CCDC141: variants seen among roughly 807,000 people sequenced by gnomAD.
CCDC141 encodes the protein coiled-coil domain-containing protein 141.
CCDC141 carries 168 observed loss-of-function variants against 181.0 expected under a neutral mutation model. That is an observed-to-expected ratio of 0.93 (90% CI 0.82 to 1.05). The LOEUF is 1.05. Ranked by LOEUF, CCDC141 falls within the 50% of genes least tolerant of loss-of-function variation. The pLI, the probability that CCDC141 is intolerant of heterozygous loss-of-function variation, is 0.00. For synonymous variants in CCDC141, 666 were observed against 642.3 expected, an observed-to-expected ratio of 1.04 and a Z score of -0.56; for missense variants, 1,902 against 1,788.5, an observed-to-expected ratio of 1.06 and a Z score of -1.14.
chr2:178,893,221 C>CTT (rs5836663), intron 8 of CCDC141, among the ~76,000 whole-genome samples: 1,780 of 145,388 alleles, frequency 0.012, 39 homozygotes, highest in African/African-American at 0.04. Context: ...AAAATAATTG[C>CTT]TTTTTTTTTT....
chr2:178,896,456 G>C (rs148799116), intron 8 of CCDC141, among the ~76,000 whole-genome samples: 57 of 152,204 alleles, frequency 3.7e-4, no homozygotes, highest in Admixed American at 3.5e-3. Context: ...CCTGGTGCTG[G>C]TATGCCATAT....
intron 1 of CCDC141, among the ~76,000 whole-genome samples, chr2:179,048,350 A>C (rs1211158771): frequency 6.6e-6 from 1 of 152,170 alleles, no homozygotes; most frequent in African/African-American, 2.4e-5. Flanking sequence ...TGGAGATGGC[A>C]GTAAGGTAAG....
chr2:178,940,223 T>C (rs1689451884), intron 6 of CCDC141, among the ~76,000 whole-genome samples: 1 of 140,526 alleles, frequency 7.1e-6, no homozygotes, highest in South Asian at 2.3e-4. Flanking sequence ...TAGGAAAGAA[T>C]AAAGAAATGG....
the CCDC141 span, among the ~76,000 whole-genome samples, chr2:178,821,254 A>G: frequency 3.3e-5 from 5 of 152,136 alleles, no homozygotes; most frequent in Admixed American, 6.6e-5. Flanking sequence ...ACAATCATAT[A>G]TATATTTATA....
At chr2:179,029,021 C>A (rs973808918) in intron 2 of CCDC141, among the ~76,000 whole-genome samples, 5 of 152,176 alleles carry the variant, frequency 3.3e-5, no homozygotes, top group Non-Finnish European at 5.9e-5. Context: ...TTCTCCATAA[C>A]AATGTAGCCT....
rs1034865312 is a variant in CCDC141 at position 178,988,472 on chromosome 2, T to A, written c.226-9797A>T. Among the ~76,000 whole-genome samples the A allele has an allele frequency of 1.7e-3, 225 of 132,762 alleles. 1 individual carries two copies. Among genetic ancestry groups the A allele is most frequent in the Admixed American group, 2.5e-3 (34 of 13,804 alleles). The allele number at this position is 132,762 out of a possible 152,430, so 87.1% of individuals were successfully genotyped here. A position where few individuals can be genotyped will look rare whatever the true frequency, so the allele number is the denominator to read the frequency against. ...TACCCTAAAACTTAAAGTATAATAA[T>A]AAAAAATAAATAATAAAAAAAAAGA... On this transcript the variant is annotated intron_variant, in intron 2 of 23. Transcript: ENST00000443758.
intron 5 of CCDC141, among the ~76,000 whole-genome samples, chr2:178,951,668 GAGAAAAGAAAAGCCAATGATC>G (rs988638904): frequency 3.9e-5 from 6 of 152,168 alleles, no homozygotes; most frequent in South Asian, 2.1e-4. Flanking sequence ...ATGGTGGCAG[GAGAAAAGAAAAGCCAATGATC>G]ACCAGGGGCA....
At chr2:178,930,157 T>C (rs1293393688) in intron 6 of CCDC141, among the ~76,000 whole-genome samples, 1 of 152,160 alleles carries the variant, frequency 6.6e-6, no homozygotes, top group East Asian at 1.9e-4. Context: ...TGTGTTTCTA[T>C]AGAATAGCAT....
At chr2:178,864,262 A>G (rs1685745452) in intron 17 of CCDC141, among the ~76,000 whole-genome samples, 1 of 152,138 alleles carries the variant, frequency 6.6e-6, no homozygotes. Flanking sequence ...AGAAGAGAGA[A>G]AGAGGAATAA....
Position 178,902,046 on chromosome 2 carries a change from G to A in CCDC141, c.1265+3283C>T, listed in dbSNP as rs959974734. Among the ~76,000 whole-genome samples the A allele has an allele frequency of 2.9e-3, 435 of 152,032 alleles. 3 individuals carry two copies. The highest frequency in any genetic ancestry group is 9.0e-3 in the African/African-American group (372 of 41,488). ...TAAAATACCTAGGAATCCAACTTAC[G>A]AGGGATGTGAAGGACCTCTTCAAGG... is the stretch of plus-strand genomic sequence containing the variant. On this transcript the variant is annotated intron_variant, in intron 8 of 23. Coordinates refer to ENST00000443758, the MANE Select transcript of CCDC141 (RefSeq NM_173648.4).
rs747490770 is a variant in CCDC141 at position 178,836,934 on chromosome 2, C to T, written c.4285G>A (p.Glu1429Lys). The T allele has an allele frequency of 6.2e-7, 1 of 1,613,418 alleles. No individual in the cohort carries two copies. Among genetic ancestry groups the T allele is most frequent in the South Asian group, 1.1e-5 (1 of 90,930 alleles). The change falls in exon 23 of 24, where the codon GAA becomes AAA. Residue 1429 changes from glutamate (E) to lysine (K), a missense_variant. By Grantham distance (56) the Glu-to-Lys change is moderately conservative. Transcript: ENST00000443758. The part of the protein sequence containing the change: ...TVMEGSPVTL[E>K]VEVTGFPEPT... Reference sequence around the variant, plus strand: ...TCTGGAAATCCTGTTACTTCAACTTCCAAAGTCACTGGAGAACCTTCCATG... The same window carrying T: ...TCTGGAAATCCTGTTACTTCAACTTTCAAAGTCACTGGAGAACCTTCCATG...
intron 7 of CCDC141, 60 bp from the exon 8 acceptor site, chr2:178,905,561 G>T: frequency 7.1e-7 from 1 of 1,417,772 alleles, no homozygotes. Context: ...ACATCAACGT[G>T]TACACAAAAC....
intron 7 of CCDC141, among the ~76,000 whole-genome samples, chr2:178,910,611 G>T (rs1220613811): frequency 6.6e-6 from 1 of 152,204 alleles, no homozygotes; most frequent in Non-Finnish European, 1.5e-5. Context: ...CTGGGGAACT[G>T]ATTCCTAATT....
chr2:178,944,753 T>C (rs925433335), intron 5 of CCDC141, 102 bp from the exon 6 acceptor site: 2 of 475,546 alleles, frequency 4.2e-6, no homozygotes, highest in Admixed American at 3.8e-5. Context: ...TAAGCTACTT[T>C]AATTTCTTTT....
At chr2:178,871,311 C>A in intron 14 of CCDC141, 116 bp downstream of exon 14, 1 of 1,229,492 alleles carries the variant, frequency 8.1e-7, no homozygotes, top group Non-Finnish European at 1.1e-6. Context: ...ACAAGCAATA[C>A]TTTTGTTTAA....
At chr2:178,856,795 G>A (rs573954525) in intron 17 of CCDC141, among the ~76,000 whole-genome samples, 1 of 152,242 alleles carries the variant, frequency 6.6e-6, no homozygotes, top group African/African-American at 2.4e-5. Flanking sequence ...ATGTTGGCCA[G>A]ACTGGTCTCG....
At chr2:178,946,844 A>G (rs1689752357) in intron 5 of CCDC141, among the ~76,000 whole-genome samples, 1 of 152,230 alleles carries the variant, frequency 6.6e-6, no homozygotes, top group African/African-American at 2.4e-5. Context: ...ATGTAGTTAA[A>G]GACATACGAT....
At chr2:178,846,851 C>T (rs909213085) in intron 21 of CCDC141, among the ~76,000 whole-genome samples, 18 of 152,152 alleles carry the variant, frequency 1.2e-4, no homozygotes, top group Admixed American at 2.0e-4. Context: ...TATGAACGTC[C>T]TTTGTAAGTC....
intron 5 of CCDC141, among the ~76,000 whole-genome samples, chr2:178,955,130 A>T (rs1030690616): frequency 1.3e-5 from 2 of 152,058 alleles, no homozygotes; most frequent in Non-Finnish European, 2.9e-5. Context: ...ACTAAAATAC[A>T]AAAAATATAG....
Sources: gnomAD v4.1 joint callset for allele counts (sites outside exome capture counted in the v4.1 genomes callset) on GRCh38, gnomAD v4.1.1 for gene constraint, MANE v1.5 for transcripts, NCBI Gene and HGNC (gene_info 2026-07-23, HGNC 2026-07-21) for gene names.